ZHX2: variants seen among roughly 807,000 people sequenced by gnomAD.
The protein encoded by ZHX2 is zinc fingers and homeoboxes protein 2.
A neutral mutation model predicts 21.9 loss-of-function variants in ZHX2; 6 were observed. The observed-to-expected ratio is 0.27, with a 90% CI of 0.15 to 0.54. The LOEUF is 0.54. Ranked by LOEUF, ZHX2 falls within the 20% of genes least tolerant of loss-of-function variation. ZHX2 has a pLI of 0.95. For synonymous variants in ZHX2, 434 were observed against 437.1 expected, an observed-to-expected ratio of 0.99 and a Z score of 0.09; for missense variants, 908 against 1,090.7, an observed-to-expected ratio of 0.83 and a Z score of 2.36.
At chr8:122,802,316 G>A (rs1432565431) in intron 1 of ZHX2, among the ~76,000 whole-genome samples, 2 of 152,202 alleles carry the variant, frequency 1.3e-5, no homozygotes, top group Admixed American at 1.3e-4. Context: ...ACCCACCTCG[G>A]CCTCCCAAAG....
intron 2 of ZHX2, among the ~76,000 whole-genome samples, chr8:122,884,064 T>A (rs2129808494): frequency 6.6e-6 from 1 of 152,360 alleles, no homozygotes; most frequent in Non-Finnish European, 1.5e-5. Flanking sequence ...TAGAGCCTAT[T>A]GCTCCTAGGC....
chr8:122,971,613 A>AAAAAAAAAT lies in ZHX2; in HGVS notation c.*5-1621_*5-1620insTAAAAAAAA, dbSNP rs1298185904. 4.9e-4 allele frequency among the ~76,000 whole-genome samples: 60 copies of AAAAAAAAAT among 122,344 alleles called. 1 individual carries two copies. The highest frequency in any genetic ancestry group is 1.0e-3 in the Admixed American group (12 of 11,590). 80.3% of individuals were successfully genotyped at this position (122,344 alleles called of 152,430 possible). ...TCTCCTTGCTGTTGGCCCCTGTACA[A>AAAAAAAAAT]AAAAAAAAAAAAAAAAAAATTCCTT... On this transcript the variant is annotated intron_variant, in intron 3 of 3. Transcript: ENST00000314393.
At chr8:122,854,066 C>T (rs577529247) in intron 1 of ZHX2, among the ~76,000 whole-genome samples, 4 of 152,278 alleles carry the variant, frequency 2.6e-5, no homozygotes, top group East Asian at 1.9e-4. Flanking sequence ...CCGAGCCTCC[C>T]GGGCCCCTGA....
chr8:122,936,069 A>G (rs148728854), intron 2 of ZHX2, among the ~76,000 whole-genome samples: 2 of 152,292 alleles, frequency 1.3e-5, no homozygotes, highest in African/African-American at 4.8e-5. Context: ...TGCCTGAGCT[A>G]TGTTTATATT....
chr8:122,887,893 A>C (rs1472537397), intron 2 of ZHX2, among the ~76,000 whole-genome samples: 1 of 149,294 alleles, frequency 6.7e-6, no homozygotes. Flanking sequence ...CTTGCCGGCC[A>C]GGGCTCATCA....
chr8:122,917,559 C>T (rs1219425342), intron 2 of ZHX2, among the ~76,000 whole-genome samples: 2 of 152,160 alleles, frequency 1.3e-5, no homozygotes, highest in African/African-American at 4.8e-5. Context: ...TTGTCCCATC[C>T]TCTTGAAATC....
At chr8:122,964,118 A>G (rs185725933) in intron 3 of ZHX2, among the ~76,000 whole-genome samples, 1 of 151,830 alleles carries the variant, frequency 6.6e-6, no homozygotes, top group African/African-American at 2.4e-5. Context: ...GACTTCCTTA[A>G]CTTGTATGCC....
intron 1 of ZHX2, among the ~76,000 whole-genome samples, chr8:122,829,836 G>A (rs1390002541): frequency 2.6e-5 from 4 of 152,214 alleles, no homozygotes; most frequent in Admixed American, 2.6e-4. Context: ...TTTACAAGTA[G>A]CAATGGCCTT....
chr8:122,850,533 G>A (rs1818865783), intron 1 of ZHX2, among the ~76,000 whole-genome samples: 3 of 151,710 alleles, frequency 2.0e-5, no homozygotes, highest in Non-Finnish European at 4.4e-5. Flanking sequence ...CCAGCTACTC[G>A]GGAGGCTGAG....
chr8:122,797,286 T>A (rs568908527), intron 1 of ZHX2, among the ~76,000 whole-genome samples: 1 of 152,306 alleles, frequency 6.6e-6, no homozygotes, highest in African/African-American at 2.4e-5. Flanking sequence ...GCCACTTCAT[T>A]TGAAACAACT....
chr8:122,825,596 T>C (rs779855846), intron 1 of ZHX2, among the ~76,000 whole-genome samples: 6 of 152,188 alleles, frequency 3.9e-5, no homozygotes, highest in Non-Finnish European at 8.8e-5. Flanking sequence ...TCTCCTGACA[T>C]ATGAAGATAT....
chr8:122,862,427 T>C (rs555856612), intron 1 of ZHX2, among the ~76,000 whole-genome samples: 1 of 152,284 alleles, frequency 6.6e-6, no homozygotes, highest in African/African-American at 2.4e-5. Context: ...ACACCAGCGC[T>C]TTGCAAACTT....
chr8:122,820,668 A>G (rs1818126724), intron 1 of ZHX2, among the ~76,000 whole-genome samples: 1 of 152,204 alleles, frequency 6.6e-6, no homozygotes, highest in Non-Finnish European at 1.5e-5. Flanking sequence ...GGGTGGCAGA[A>G]TGACTCCTGA....
At chr8:122,888,556 A>G (rs904190679) in intron 2 of ZHX2, among the ~76,000 whole-genome samples, 6 of 152,080 alleles carry the variant, frequency 3.9e-5, no homozygotes. Flanking sequence ...ATCTTGGCTC[A>G]CTGCAACCTC....
At chr8:122,934,704 T>C (rs117867056) in intron 2 of ZHX2, among the ~76,000 whole-genome samples, 2,387 of 152,096 alleles carry the variant, frequency 0.016, 71 homozygotes, top group Admixed American at 0.071. Flanking sequence ...TCTTTCTTTC[T>C]TTCTGATGAA....
At chr8:122,868,911 C>T (rs191980893) in intron 2 of ZHX2, among the ~76,000 whole-genome samples, 1 of 152,206 alleles carries the variant, frequency 6.6e-6, no homozygotes, top group East Asian at 1.9e-4. Context: ...GGGAGAGGGA[C>T]CTGCATGGCT....
chr8:122,848,456 G>A (rs542272153), intron 1 of ZHX2, among the ~76,000 whole-genome samples: 3 of 152,110 alleles, frequency 2.0e-5, no homozygotes, highest in African/African-American at 4.8e-5. Flanking sequence ...CTTTATAAAC[G>A]GAACACTTCC....
chr8:122,797,969 C>T (rs191787807), intron 1 of ZHX2, among the ~76,000 whole-genome samples: 132 of 152,286 alleles, frequency 8.7e-4, no homozygotes, highest in Non-Finnish European at 1.3e-3. Flanking sequence ...GTATACTCCA[C>T]CCAACTCCTC....
At chr8:122,888,688 G>A (rs1819905307) in intron 2 of ZHX2, among the ~76,000 whole-genome samples, 1 of 152,086 alleles carries the variant, frequency 6.6e-6, no homozygotes, top group Admixed American at 6.6e-5. Context: ...TCACCATGTT[G>A]GTCAGTCTGG....
Sources: allele counts gnomAD v4.1 joint callset (sites outside exome capture counted in the v4.1 genomes callset), GRCh38; gene constraint gnomAD v4.1.1; transcripts MANE v1.5; gene names NCBI Gene and HGNC (gene_info 2026-07-23, HGNC 2026-07-21).